The following NEK6 variants were observed in gnomAD, a reference collection of about 807,000 sequenced individuals.
NEK6 encodes the protein NIMA related kinase 6.
A neutral mutation model predicts 43.5 loss-of-function variants in NEK6; 27 were observed. The ratio of observed to expected loss-of-function variants is 0.62; its 90% CI spans 0.46 to 0.86. The LOEUF is 0.86. Ranked by LOEUF, NEK6 falls within the 40% of genes least tolerant of loss-of-function variation. NEK6 has a pLI of 0.00. For synonymous variants in NEK6, 167 were observed against 164.1 expected, an observed-to-expected ratio of 1.02 and a Z score of -0.14; for missense variants, 318 against 414.4, an observed-to-expected ratio of 0.77 and a Z score of 2.02.
intron 1 of NEK6, among the ~76,000 whole-genome samples, chr9:124,290,573 G>A (rs1376268906): frequency 6.6e-6 from 1 of 152,268 alleles, no homozygotes; most frequent in Non-Finnish European, 1.5e-5. Flanking sequence ...TTTGCCCAGG[G>A]CAGAAGTGGC....
chr9:124,304,011 G>A (rs116331167), intron 2 of NEK6, among the ~76,000 whole-genome samples: 5,712 of 152,350 alleles, frequency 0.037, 144 homozygotes, highest in East Asian at 0.084. Context: ...ATGTTGGAGA[G>A]GGTAATGACA....
At chr9:124,312,711 G>A (rs1833598796) in intron 3 of NEK6, 62 bp downstream of exon 3, 1 of 1,547,182 alleles carries the variant, frequency 6.5e-7, no homozygotes, top group Non-Finnish European at 8.8e-7. Flanking sequence ...CATCTGGACG[G>A]GGTGCCCGGG....
intron 5 of NEK6, among the ~76,000 whole-genome samples, chr9:124,323,571 G>A (rs999726473): frequency 6.6e-6 from 1 of 152,138 alleles, no homozygotes; most frequent in African/African-American, 2.4e-5. Context: ...TGGAGAGGAC[G>A]CCTCACCCTC....
intron 1 of NEK6, among the ~76,000 whole-genome samples, chr9:124,277,654 A>G (rs1217702134): frequency 1.3e-5 from 2 of 152,232 alleles, no homozygotes; most frequent in Non-Finnish European, 2.9e-5. Flanking sequence ...GGGGAGAGGA[A>G]GGAAAGTGTT....
In NEK6 at chr9:124,339,114, C is replaced by T. The variant is rs563685135; in HGVS notation, c.623-457C>T. 4.2e-4 allele frequency among the ~76,000 whole-genome samples: 63 copies of T among 151,718 alleles called. 4 individuals carry two copies. The highest frequency in any genetic ancestry group is 2.7e-3 in the South Asian group (13 of 4,784). On this transcript the variant is annotated intron_variant, in intron 7 of 9. Coordinates refer to ENST00000320246, the MANE Select transcript of NEK6 (RefSeq NM_014397.6). ...CGCAATCTTGGCTCTCTGCAGCCTC[C>T]GCCTCCCTGGTTTAAGTGATTCTCC... is the stretch of plus-strand genomic sequence containing the variant.
At chr9:124,306,450 G>A (rs1305454889) in intron 2 of NEK6, among the ~76,000 whole-genome samples, 1 of 152,160 alleles carries the variant, frequency 6.6e-6, no homozygotes, top group African/African-American at 2.4e-5. Flanking sequence ...CCCACGGAGT[G>A]CGGTGCAGAC....
At chr9:124,297,706 T>C (rs1475622888) in intron 1 of NEK6, among the ~76,000 whole-genome samples, 1 of 152,260 alleles carries the variant, frequency 6.6e-6, no homozygotes, top group African/African-American at 2.4e-5. Flanking sequence ...GCCCCTGACT[T>C]GGGCTTGGCA....
At chr9:124,309,767 A>T (rs1833439076) in intron 2 of NEK6, among the ~76,000 whole-genome samples, 1 of 152,206 alleles carries the variant, frequency 6.6e-6, no homozygotes, top group African/African-American at 2.4e-5. Flanking sequence ...CTGGCTGTTT[A>T]TGAGGGTATG....
At chr9:124,292,334 G>A in intron 1 of NEK6, 2 of 1,452,538 alleles carry the variant, frequency 1.4e-6, no homozygotes, top group Non-Finnish European at 9.1e-7. Context: ...GCTGATGGCT[G>A]CTTTCACATT....
At chr9:124,316,048 A>G (rs1040141777) in intron 4 of NEK6, among the ~76,000 whole-genome samples, 6 of 152,238 alleles carry the variant, frequency 3.9e-5, no homozygotes, top group Admixed American at 6.5e-5. Flanking sequence ...CTGCCCGCCA[A>G]TGCCAGCCGC....
intron 1 of NEK6, among the ~76,000 whole-genome samples, chr9:124,267,641 G>T (rs1008495719): frequency 1.3e-5 from 2 of 152,152 alleles, no homozygotes; most frequent in Non-Finnish European, 1.5e-5. Flanking sequence ...TCCAAGGGGT[G>T]ATGGGCACAC....
chr9:124,312,679 G>T, intron 3 of NEK6, 30 bp downstream of exon 3: 1 of 1,592,816 alleles, frequency 6.3e-7, no homozygotes, highest in East Asian at 2.3e-5. Context: ...GGTCAAACCT[G>T]CATCTCGGGA....
chr9:124,305,137 G>T (rs1029325502), intron 2 of NEK6, among the ~76,000 whole-genome samples: 2 of 152,242 alleles, frequency 1.3e-5, no homozygotes, highest in African/African-American at 4.8e-5. Flanking sequence ...AGAGAACTTC[G>T]CAGGGGATTG....
At chr9:124,312,741 CT>C (rs1833600679) in intron 3 of NEK6, 92 bp downstream of exon 3, 2 of 1,349,594 alleles carry the variant, frequency 1.5e-6, no homozygotes, top group Non-Finnish European at 2.0e-6. Flanking sequence ...TCTCTCCCCT[CT>C]TCTGTGAACG....
intron 1 of NEK6, among the ~76,000 whole-genome samples, chr9:124,288,069 C>T (rs373018177): frequency 6.6e-6 from 1 of 152,230 alleles, no homozygotes; most frequent in African/African-American, 2.4e-5. Context: ...TGTGCAGCCT[C>T]TCTCGCCCTC....
intron 7 of NEK6, among the ~76,000 whole-genome samples, chr9:124,329,253 G>T (rs562276450): frequency 3.3e-5 from 5 of 152,146 alleles, no homozygotes; most frequent in Admixed American, 2.0e-4. Context: ...GAAGGGCTTC[G>T]AAAAGACCAG....
chr9:124,312,429 G>C (rs959344344), intron 2 of NEK6, 80 bp from the exon 3 acceptor site: 1 of 1,458,658 alleles, frequency 6.9e-7, no homozygotes, highest in Non-Finnish European at 9.2e-7. Context: ...GTGCTGTTGG[G>C]GTGCTGGGCC....
chr9:124,278,730 A>G (rs1475263926), intron 1 of NEK6, among the ~76,000 whole-genome samples: 5 of 152,218 alleles, frequency 3.3e-5, no homozygotes, highest in Non-Finnish European at 7.3e-5. Flanking sequence ...GTTGGTTGAC[A>G]CATTATACAG....
chr9:124,351,465 A>T lies in NEK6; in HGVS notation c.*518A>T, dbSNP rs992584556. 1 of 152,454 alleles carries T rather than the reference A, an allele frequency of 6.6e-6. No homozygotes were observed. Among genetic ancestry groups the T allele is most frequent in the Non-Finnish European group, 1.5e-5 (1 of 68,268 alleles). The allele number at this position is 152,454 out of a possible 1,614,324, so 9.4% of individuals were successfully genotyped here. Reference sequence around the variant, plus strand: ...AATCATTTTTTTCCGTGGAGTGGTGATTCTGCTAACATTTTTATCTACGTT... The same window carrying T: ...AATCATTTTTTTCCGTGGAGTGGTGTTTCTGCTAACATTTTTATCTACGTT... On this transcript the variant is annotated 3_prime_UTR_variant, in exon 10 of 10. Coordinates refer to ENST00000320246, the MANE Select transcript of NEK6 (RefSeq NM_014397.6).
Sources: allele counts gnomAD v4.1 joint callset (sites outside exome capture counted in the v4.1 genomes callset), GRCh38; gene constraint gnomAD v4.1.1; transcripts MANE v1.5; gene names NCBI Gene and HGNC (gene_info 2026-07-23, HGNC 2026-07-21).